The following TSNARE1 variants were observed in gnomAD, a reference collection of about 807,000 sequenced individuals.
TSNARE1 encodes the protein t-SNARE domain containing 1.
Under a neutral mutation model 62.0 loss-of-function variants are expected in TSNARE1, and 49 were observed. The ratio of observed to expected loss-of-function variants is 0.79; its 90% CI spans 0.63 to 1.00. The LOEUF is 1.00. Ranked by LOEUF, TSNARE1 falls within the 50% of genes least tolerant of loss-of-function variation. The pLI is 0.00. For synonymous variants in TSNARE1, 328 were observed against 294.4 expected, an observed-to-expected ratio of 1.11 and a Z score of -1.17; for missense variants, 755 against 700.1, an observed-to-expected ratio of 1.08 and a Z score of -0.88.
At chr8:142,252,022 G>A (rs562768074) in intron 12 of TSNARE1, among the ~76,000 whole-genome samples, 1,468 of 136,830 alleles carry the variant, frequency 0.011, 30 homozygotes, top group African/African-American at 0.037. Context: ...TGCAGGGCCC[G>A]GGCACCATGT....
At chr8:142,361,615 T>C (rs1587013929) in intron 1 of TSNARE1, among the ~76,000 whole-genome samples, 1 of 152,092 alleles carries the variant, frequency 6.6e-6, no homozygotes, top group East Asian at 1.9e-4. Context: ...GCCCCCAGCC[T>C]CCCCTGTCCC....
chr8:142,243,730 A>G (rs1016083014), intron 12 of TSNARE1, among the ~76,000 whole-genome samples: 1 of 152,210 alleles, frequency 6.6e-6, no homozygotes, highest in Non-Finnish European at 1.5e-5. Context: ...AGACTTAAAC[A>G]TTGCTAAGAG....
intron 1 of TSNARE1, among the ~76,000 whole-genome samples, chr8:142,396,095 C>T (rs1227265467): frequency 6.6e-6 from 1 of 152,068 alleles, no homozygotes; most frequent in African/African-American, 2.4e-5. Flanking sequence ...GCCCTCAGAA[C>T]ACTGGCCCTC....
intron 12 of TSNARE1, among the ~76,000 whole-genome samples, chr8:142,246,848 C>G (rs1429225629): frequency 1.3e-5 from 2 of 152,248 alleles, no homozygotes; most frequent in African/African-American, 2.4e-5. Context: ...GTGTTAGCAC[C>G]TGCTACACAT....
intron 4 of TSNARE1, among the ~76,000 whole-genome samples, chr8:142,336,364 G>T (rs1345551897): frequency 6.7e-6 from 1 of 148,534 alleles, no homozygotes; most frequent in Non-Finnish European, 1.5e-5. Flanking sequence ...AAAATCAGAT[G>T]AAATTATAAG....
At position 142,272,998 on chromosome 8, in the gene TSNARE1, T is replaced by TG. The variant is rs1819854173; in HGVS notation, c.1446+1782dup. ...TGGTGGACCCCCTCGGGAACAGGAGTGGGACAGTCTATGCAGAGGTGACTT... is the reference window on the plus strand; with the variant it reads ...TGGTGGACCCCCTCGGGAACAGGAGTGGGGACAGTCTATGCAGAGGTGACTT... On this transcript the variant is annotated intron_variant, in intron 12 of 13. Coordinates refer to ENST00000524325, the MANE Select transcript of TSNARE1 (RefSeq NM_145003.5). The TG allele has an allele frequency of 4.1e-6, 4 of 985,122 alleles. No homozygotes were observed. In the South Asian group the frequency reaches 1.4e-4, roughly 35 times the overall value. 61.0% of individuals were successfully genotyped at this position (985,122 alleles called of 1,614,324 possible).
intron 12 of TSNARE1, among the ~76,000 whole-genome samples, chr8:142,255,919 A>G (rs1818477433): frequency 3.0e-5 from 1 of 33,038 alleles, no homozygotes; most frequent in Non-Finnish European, 9.1e-5. Flanking sequence ...CACCACCACC[A>G]TCACCATCAC....
chr8:142,332,628 G>A (rs951754224), intron 4 of TSNARE1, among the ~76,000 whole-genome samples: 9 of 152,176 alleles, frequency 5.9e-5, no homozygotes, highest in Admixed American at 2.6e-4. Flanking sequence ...AGGACATGGT[G>A]GATGGAACGC....
Position 142,291,805 on chromosome 8 carries a change from T to C in TSNARE1, c.1291-7320A>G, listed in dbSNP as rs1823807932. On this transcript the variant is annotated intron_variant, in intron 10 of 13. Transcript: ENST00000524325. The surrounding 1 kb of genome is among the most constrained non-coding windows in gnomAD (Gnocchi z 4.8). Reference sequence around the variant, plus strand: ...GAGCCAGCGGCTCAGGCGTCAGGCATAGGGTGCTCTGGGCCTCGGGCAATA... The same window carrying C: ...GAGCCAGCGGCTCAGGCGTCAGGCACAGGGTGCTCTGGGCCTCGGGCAATA... 6.6e-6 allele frequency among the ~76,000 whole-genome samples: 1 copy of C among 151,908 alleles called. No individual in the cohort carries two copies. The highest frequency in any genetic ancestry group is 6.6e-5 in the Admixed American group (1 of 15,246).
At chr8:142,399,250 A>G (rs557009642) in intron 1 of TSNARE1, among the ~76,000 whole-genome samples, 13 of 152,320 alleles carry the variant, frequency 8.5e-5, no homozygotes, top group Admixed American at 3.9e-4. Context: ...CACTAACAGG[A>G]AGGATAGTGG....
intron 9 of TSNARE1, among the ~76,000 whole-genome samples, chr8:142,305,041 G>A (rs1029776067): frequency 2.6e-5 from 4 of 152,188 alleles, no homozygotes; most frequent in African/African-American, 9.7e-5. Flanking sequence ...GGAGATGTAG[G>A]AGCCTGCCCT....
chr8:142,339,613 T>C (rs994032500), intron 4 of TSNARE1, among the ~76,000 whole-genome samples: 1 of 152,218 alleles, frequency 6.6e-6, no homozygotes, highest in Admixed American at 6.5e-5. Flanking sequence ...GGAGAGGACG[T>C]GACTAAACCC....
At chr8:142,348,350 G>A (rs1354811368) in intron 2 of TSNARE1, among the ~76,000 whole-genome samples, 1 of 152,176 alleles carries the variant, frequency 6.6e-6, no homozygotes. Flanking sequence ...GATGCTTACA[G>A]TATTTCTGAG....
chr8:142,219,661 C>T (rs900670368), intron 13 of TSNARE1, among the ~76,000 whole-genome samples: 2 of 152,212 alleles, frequency 1.3e-5, no homozygotes, highest in Admixed American at 1.3e-4. Context: ...TGCCTTCCTG[C>T]CTGTCCATTT....
intron 9 of TSNARE1, among the ~76,000 whole-genome samples, chr8:142,309,579 T>C (rs780563401): frequency 6.6e-6 from 1 of 152,206 alleles, no homozygotes; most frequent in Non-Finnish European, 1.5e-5. Context: ...TGAATGCAAA[T>C]CAATCCTGCA....
chr8:142,300,606 C>A lies in TSNARE1; in HGVS notation c.1170G>T (p.Glu390Asp), dbSNP rs763865022. 3 of 1,613,796 alleles carry A rather than the reference C, an allele frequency of 1.9e-6. No individual in the cohort carries two copies. Among genetic ancestry groups the A allele is most frequent in the East Asian group, 2.2e-5 (1 of 44,878 alleles). The change falls in exon 10 of 14, where the codon GAG becomes GAT. Residue 390 changes from glutamate to aspartate, a missense_variant. Glu to Asp is a conservative substitution (Grantham distance 45, BLOSUM62 2). Coordinates refer to ENST00000524325, the MANE Select transcript of TSNARE1 (RefSeq NM_145003.5). ...TGTTGTCACTCCCGTTAAAGACCTT[C>A]TCATCATCAGCCAGCTCGGCAAACG... ...QAPFAELADD[E>D]KVFNGSDNMW...
At chr8:142,400,745 C>A (rs1587172632) in intron 1 of TSNARE1, among the ~76,000 whole-genome samples, 2 of 152,250 alleles carry the variant, frequency 1.3e-5, no homozygotes, top group African/African-American at 2.4e-5. Flanking sequence ...AAACGCCCAA[C>A]AACCTCGGAA....
chr8:142,299,419 G>C (rs1488733254), intron 10 of TSNARE1, among the ~76,000 whole-genome samples: 2 of 152,234 alleles, frequency 1.3e-5, no homozygotes, highest in African/African-American at 2.4e-5. Context: ...CAGCCTCTGG[G>C]AGCTTCAGAG....
At chr8:142,300,744 C>A (rs1418129205) in intron 9 of TSNARE1, 100 bp from the exon 10 acceptor site, 2 of 1,229,736 alleles carry the variant, frequency 1.6e-6, no homozygotes, top group African/African-American at 1.4e-5. Context: ...CCTTCACTAT[C>A]CCCATCTGCT....
Sources: gnomAD v4.1 joint callset for allele counts (sites outside exome capture counted in the v4.1 genomes callset) on GRCh38, gnomAD v4.1.1 for gene constraint, Gnocchi (gnomAD v3.1) non-coding constraint, MANE v1.5 for transcripts, NCBI Gene and HGNC (gene_info 2026-07-23, HGNC 2026-07-21) for gene names.